Variants in ZNF480 observed in about 807,000 individuals in gnomAD.
ZNF480 encodes zinc finger protein 480.
In ZNF480, 15 loss-of-function variants were observed where a neutral mutation model predicts 14.4. The ratio of observed to expected loss-of-function variants is 1.04; its 90% confidence interval spans 0.70 to 1.60. The LOEUF is 1.60. Among genes scored for constraint, ZNF480 ranks in the 40% most tolerant of loss-of-function variants. The pLI is 0.00. For missense variants in ZNF480, 593 were observed against 629.7 expected (o/e 0.94, Z 0.62); for synonymous variants, 218 against 215.5 (o/e 1.01, Z -0.10).
chr19:52,299,616 C>A (rs949441104), intron 1 of ZNF480, among the ~76,000 whole-genome samples: 1 of 152,164 alleles, frequency 6.6e-6, no homozygotes, highest in African/African-American at 2.4e-5. Flanking sequence ...GCAAAAGATA[C>A]AGATGACTAG....
Position 52,300,375 on chromosome 19 carries a change from G to A in ZNF480, c.-19-19G>A. 1 of 1,609,850 alleles carries A rather than the reference G, an allele frequency of 6.2e-7. No homozygotes were observed. The highest frequency in any genetic ancestry group is 8.5e-7 in the Non-Finnish European group (1 of 1,176,860). ...GTGTGTTGATTCTAAGCCCTAAACA[G>A]CATATTTTTGACATTTAGGATTGAC... On this transcript the variant is annotated intron_variant, in intron 1 of 4. Coordinates refer to ENST00000595962, the MANE Select transcript of ZNF480 (RefSeq NM_144684.4).
Position 52,322,787 on chromosome 19 carries a change from T to C in ZNF480, c.1537T>C (p.Cys513Arg), listed in dbSNP as rs752373138. The C allele has an allele frequency of 8.1e-6, 13 of 1,612,530 alleles. No individual in the cohort carries two copies. The highest frequency in any genetic ancestry group is 1.3e-5 in the African/African-American group (1 of 74,902). Residue 513 changes from cysteine to arginine, a missense_variant, in exon 5 of 5, where the codon TGT (cysteine) becomes CGT (arginine). Cys to Arg is a radical substitution (Grantham distance 180). Coordinates refer to ENST00000595962, the MANE Select transcript of ZNF480 (RefSeq NM_144684.4). ...KIHTGEKPYK[C>R]NECGKAFSRI... Reference sequence around the variant, plus strand: ...TCATACTGGAGAGAAACCTTACAAATGTAATGAGTGTGGCAAGGCCTTTAG... The same window carrying C: ...TCATACTGGAGAGAAACCTTACAAACGTAATGAGTGTGGCAAGGCCTTTAG...
At chr19:52,308,651 A>T (rs943110705) in intron 2 of ZNF480, 2 of 152,030 alleles carry the variant, frequency 1.3e-5, no homozygotes, top group African/African-American at 4.8e-5. Flanking sequence ...CGCCTTTCCC[A>T]GTTTTTTATG....
rs750019646 is a variant in ZNF480, at chr19:52,322,343, C to A, written c.1093C>A (p.His365Asn). The stretch of plus-strand genomic sequence containing the variant: ...GCTCCTTGTACGACATCAGAAAATT[C>A]ATACTGGAGAGAAACCTTACAAATG... Reference protein sequence around the residue: ...IALLVRHQKIHTGEKPYKCNE... With the variant: ...IALLVRHQKINTGEKPYKCNE... Residue 365 changes from histidine to asparagine, a missense_variant, in exon 5 of 5, where the codon CAT (histidine) becomes AAT (asparagine). By Grantham distance (68) the His-to-Asn change is moderately conservative. Transcript: ENST00000595962. The A allele has an allele frequency of 1.2e-6, 2 of 1,613,608 alleles. No individual in the cohort carries two copies. The highest frequency in any genetic ancestry group is 1.3e-5 in the African/African-American group (1 of 74,774).
chr19:52,317,955 A>G (rs1251730616), intron 4 of ZNF480, among the ~76,000 whole-genome samples: 1 of 151,610 alleles, frequency 6.6e-6, no homozygotes, highest in Non-Finnish European at 1.5e-5. Context: ...TTCTATTTGC[A>G]TTTCTCTCTA....
rs8109646 is a variant in ZNF480 at position 52,306,427 on chromosome 19, C to G, written c.72+5943C>G. On this transcript the variant is annotated intron_variant, in intron 2 of 4. Coordinates refer to ENST00000595962, the MANE Select transcript of ZNF480 (RefSeq NM_144684.4). ...ATAACCACTTGTGCATCTAAACCAC[C>G]CCAGCCACCGACTCCCAAAAGTTGG... is the stretch of plus-strand genomic sequence containing the variant. Among the ~76,000 whole-genome samples, 753 of 151,966 alleles carry G rather than the reference C, an allele frequency of 5.0e-3. 11 individuals carry two copies. The highest frequency in any genetic ancestry group is 0.028 in the East Asian group (144 of 5,154).
intron 2 of ZNF480, among the ~76,000 whole-genome samples, chr19:52,311,480 A>C (rs1185345562): frequency 6.6e-6 from 1 of 152,100 alleles, no homozygotes; most frequent in Admixed American, 6.6e-5. Flanking sequence ...CCCAGCCTAC[A>C]TTTATATTTT....
chr19:52,297,752 G>A (rs1982479976), intron 1 of ZNF480: 2 of 150,004 alleles, frequency 1.3e-5, no homozygotes, highest in South Asian at 3.9e-4. Context: ...CTAACCCTGC[G>A]TGTGGGGAGG....
Position 52,320,206 on chromosome 19 carries a change from CTTTA to C in ZNF480, c.329-1366_329-1363del, listed in dbSNP as rs1409724339. On this transcript the variant is annotated intron_variant, in intron 4 of 4. Transcript: ENST00000595962. ...CTGTTGAGCACCTAATGAATTTTTACTTTATTTATTGTGTTTCAGCTCCAGAATG... is the reference window on the plus strand; with the variant it reads ...CTGTTGAGCACCTAATGAATTTTTACTTTATTGTGTTTCAGCTCCAGAATG... Among the ~76,000 whole-genome samples, 26 of 152,250 alleles carry C rather than the reference CTTTA, an allele frequency of 1.7e-4. No individual in the cohort carries two copies. The East Asian group carries it at 4.2e-3, about 25-fold the overall frequency.
intron 2 of ZNF480, chr19:52,301,656 G>A (rs1267480304): frequency 6.6e-6 from 1 of 152,124 alleles, no homozygotes; most frequent in African/African-American, 2.4e-5. Flanking sequence ...TATTTACGTA[G>A]TCTGCTCTTT....
rs1330757146 is a variant in ZNF480, at chr19:52,315,975, A to T, written c.328+13A>T. The T allele has an allele frequency of 7.5e-6, 12 of 1,594,002 alleles. No homozygotes were observed. Among genetic ancestry groups the T allele is most frequent in the Non-Finnish European group, 1.0e-5 (12 of 1,168,180 alleles). On this transcript the variant is annotated intron_variant, in intron 4 of 4. Coordinates refer to ENST00000595962, the MANE Select transcript of ZNF480 (RefSeq NM_144684.4). ...GGTGTGAACACAGGTAAGAGCTCAGATGGGCATGGTGGAAGCCATGCTGTT... is the reference window on the plus strand; with the variant it reads ...GGTGTGAACACAGGTAAGAGCTCAGTTGGGCATGGTGGAAGCCATGCTGTT...
rs1397371968 is a variant in ZNF480 at position 52,325,153 on chromosome 19, TG to T, written c.*2296del. 2 of 152,064 alleles carry T rather than the reference TG, an allele frequency of 1.3e-5. No individual in the cohort carries two copies. The highest frequency in any genetic ancestry group is 2.9e-5 in the Non-Finnish European group (2 of 67,994). 9.4% of individuals were successfully genotyped at this position (152,064 alleles called of 1,614,324 possible). On this transcript the variant is annotated 3_prime_UTR_variant, in exon 5 of 5. Transcript: ENST00000595962. Reference sequence around the variant, plus strand: ...ATACATACATGTGGCAATAAGCATATGAAAAAAATGGTTAATATCGCTAATC... The same window carrying T: ...ATACATACATGTGGCAATAAGCATATAAAAAAATGGTTAATATCGCTAATC...
chr19:52,315,323 GTT>G (rs554332821), intron 3 of ZNF480, among the ~76,000 whole-genome samples: 2 of 140,900 alleles, frequency 1.4e-5, no homozygotes, highest in Admixed American at 7.1e-5. Flanking sequence ...TTTATGTTTT[GTT>G]TTTTTTTTTT....
intron 2 of ZNF480, among the ~76,000 whole-genome samples, chr19:52,308,089 A>G (rs537703155): frequency 6.6e-6 from 1 of 152,074 alleles, no homozygotes; most frequent in African/African-American, 2.4e-5. Flanking sequence ...TGGTTCTGGG[A>G]AGGGCTCACT....
At position 52,315,892 on chromosome 19, in the gene ZNF480, G is replaced by C. The variant is rs995582870; in HGVS notation, c.258G>C (p.Trp86Cys). ...TGTTGGAGCAAAGGAGGGAGCCCTG[G>C]TCTGGTGAGAGTGAAGTGAAAATAG... ...NSMLEQRREPWSGESEVKIAK... is the reference protein window; with the variant it reads ...NSMLEQRREPCSGESEVKIAK... The change falls in exon 4 of 5, where the codon TGG becomes TGC. Residue 86 changes from tryptophan to cysteine, a missense_variant. By Grantham distance (215) the Trp-to-Cys change is radical. Coordinates refer to ENST00000595962, the MANE Select transcript of ZNF480 (RefSeq NM_144684.4). 1.2e-5 allele frequency: 20 copies of C among 1,613,508 alleles called. No individual in the cohort carries two copies. The highest frequency in any genetic ancestry group is 1.7e-5 in the Admixed American group (1 of 59,974).
At chr19:52,308,594 A>G (rs1263769897) in intron 2 of ZNF480, 1 of 152,248 alleles carries the variant, frequency 6.6e-6, no homozygotes, top group East Asian at 1.9e-4. Context: ...GGCGTGAGCC[A>G]CTGTGCCCAG....
chr19:52,324,940 TTAAAC>T lies in ZNF480; in HGVS notation c.*2087_*2091del, dbSNP rs1412010262. On this transcript the variant is annotated 3_prime_UTR_variant, in exon 5 of 5. Coordinates refer to ENST00000595962, the MANE Select transcript of ZNF480 (RefSeq NM_144684.4). ...ACAAAAATTGACAAGTGGGACCTAA[TTAAAC>T]TAAATAACTTCTGCACAGCAAAAGA... 1 of 152,132 alleles carries T rather than the reference TTAAAC, an allele frequency of 6.6e-6. No individual in the cohort carries two copies. Among genetic ancestry groups the T allele is most frequent in the Non-Finnish European group, 1.5e-5 (1 of 68,028 alleles). The allele number at this position is 152,132 out of a possible 1,614,324, so 9.4% of individuals were successfully genotyped here.
chr19:52,319,828 T>G (rs1018457180), intron 4 of ZNF480, among the ~76,000 whole-genome samples: 19 of 150,916 alleles, frequency 1.3e-4, no homozygotes, highest in Admixed American at 6.6e-4. Context: ...TTTTTTTTTT[T>G]TTTTTTTAAA....
At position 52,321,611 on chromosome 19, in the gene ZNF480, GACAA is replaced by G; in HGVS notation, c.364_367del (p.Lys122GlnfsTer25). 1 of 1,607,306 alleles carries G rather than the reference GACAA, an allele frequency of 6.2e-7. No homozygotes were observed. The highest frequency in any genetic ancestry group is 1.1e-5 in the South Asian group (1 of 89,984). On this transcript the variant is annotated frameshift_variant, in exon 5 of 5. Transcript: ENST00000595962. LOFTEE classifies it low-confidence loss of function (END_TRUNC). ...CTATGCATTGGGAAGCAATGCAGAA[GACAA>G]ACCAATTAAAAAACAACTTGGAGTA...
Sources: gnomAD v4.1 joint callset for allele counts (sites outside exome capture counted in the v4.1 genomes callset) on GRCh38, gnomAD v4.1.1 for gene constraint, MANE v1.5 for transcripts, NCBI Gene and HGNC (gene_info 2026-07-23, HGNC 2026-07-21) for gene names.